Variants in SH3TC1 observed in about 807,000 individuals in gnomAD.
The protein encoded by SH3TC1 is SH3 domain and tetratricopeptide repeats 1.
Under a neutral mutation model 117.3 loss-of-function variants are expected in SH3TC1, and 135 were observed. That is an observed-to-expected ratio of 1.15 (90% confidence interval 1.00 to 1.33). SH3TC1 has a LOEUF of 1.33. SH3TC1 is among the 40% of genes most tolerant of loss of function. The pLI, the probability that SH3TC1 is intolerant of heterozygous loss-of-function variation, is 0.00. For missense variants in SH3TC1, 2,092 were observed against 1,794.3 expected, an observed-to-expected ratio of 1.17 and a Z score of -3.00; for synonymous variants, 898 against 816.9, an observed-to-expected ratio of 1.10 and a Z score of -1.69.
upstream of SH3TC1, among the ~76,000 whole-genome samples, chr4:8,197,730 G>A (rs112036693): frequency 1.3e-5 from 2 of 152,154 alleles, no homozygotes; most frequent in Admixed American, 6.5e-5. Flanking sequence ...GCAGCGAGGG[G>A]CATGCCTAGG....
Position 8,216,166 on chromosome 4 carries a change from C to G in SH3TC1, c.537C>G (p.Leu179=). Residue 179 remains leucine, a synonymous_variant, in exon 6 of 18, where the codon CTC becomes CTG. Coordinates refer to ENST00000245105, the MANE Select transcript of SH3TC1 (RefSeq NM_018986.5). ...NLLMDQAFWL[L]LPSEEEETAI... ...TCATGGACCAGGCCTTCTGGCTGCTCTTGCCCAGTGAGGAGGAGGAGACGG... is the reference window on the plus strand; with the variant it reads ...TCATGGACCAGGCCTTCTGGCTGCTGTTGCCCAGTGAGGAGGAGGAGACGG... The G allele has an allele frequency of 4.3e-6, 7 of 1,613,888 alleles. No individual in the cohort carries two copies. The highest frequency in any genetic ancestry group is 5.9e-6 in the Non-Finnish European group (7 of 1,180,028).
At chr4:8,221,639 G>A (rs906572040) in intron 9 of SH3TC1, among the ~76,000 whole-genome samples, 4 of 152,084 alleles carry the variant, frequency 2.6e-5, no homozygotes, top group African/African-American at 7.2e-5. Context: ...CAAACATGAT[G>A]TTCCTTTACC....
At chr4:8,198,187 C>A (rs1001809288), upstream of SH3TC1, among the ~76,000 whole-genome samples, 3 of 152,202 alleles carry the variant, frequency 2.0e-5, no homozygotes, top group Non-Finnish European at 4.4e-5. Context: ...CCTTCAGAAC[C>A]AGTCAGACCT....
chr4:8,235,720 C>G (rs971387282), intron 15 of SH3TC1, 165 bp downstream of exon 15: 25 of 982,190 alleles, frequency 2.5e-5, no homozygotes, highest in Non-Finnish European at 3.5e-5. Flanking sequence ...CTGTGCCCCC[C>G]GCCCGGGACA....
In SH3TC1 at chr4:8,233,472, T is replaced by G; in HGVS notation, c.3241T>G (p.Tyr1081Asp). 6 of 1,613,750 alleles carry G rather than the reference T, an allele frequency of 3.7e-6. No homozygotes were observed. Among genetic ancestry groups the G allele is most frequent in the Non-Finnish European group, 5.1e-6 (6 of 1,179,864 alleles). The change falls in exon 14 of 18, where the codon TAC becomes GAC. Residue 1081 changes from tyrosine to aspartate, a missense_variant. By Grantham distance (160) the Tyr-to-Asp change is radical. Coordinates refer to ENST00000245105, the MANE Select transcript of SH3TC1 (RefSeq NM_018986.5). The stretch of plus-strand genomic sequence containing the variant: ...CTGGCTGCAAGCAGGGAAGATCTAT[T>G]ACATCTTGCGGCAGAGCGAGCTGGT... ...HAWLQAGKIY[Y>D]ILRQSELVDL...
chr4:8,202,291 C>T (rs950350869), intron 1 of SH3TC1, among the ~76,000 whole-genome samples: 14 of 152,230 alleles, frequency 9.2e-5, no homozygotes, highest in African/African-American at 3.4e-4. Context: ...GCTCTCCAGG[C>T]GTGACCAGGG....
intron 1 of SH3TC1, among the ~76,000 whole-genome samples, chr4:8,187,006 G>T (rs1242536359): frequency 6.6e-6 from 1 of 151,382 alleles, no homozygotes; most frequent in Non-Finnish European, 1.5e-5. Context: ...GCCCATTCTG[G>T]GACTCCTGCC....
rs1720374786 is a variant in SH3TC1, at chr4:8,225,437, T to C, written c.1285+221T>C. On this transcript the variant is annotated intron_variant, in intron 11 of 17. Coordinates refer to ENST00000245105, the MANE Select transcript of SH3TC1 (RefSeq NM_018986.5). This position sits in a 1 kb window ranked among gnomAD's most constrained non-coding sequence, Gnocchi z 5.5. ...GGTCCCGCACTTCTTCCAATGAACA[T>C]GCTGGCCCCCGCCTGGTCCCCGCCC... Among the ~76,000 whole-genome samples the C allele has an allele frequency of 6.6e-6, 1 of 152,128 alleles. No homozygotes were observed. The highest frequency in any genetic ancestry group is 1.5e-5 in the Non-Finnish European group (1 of 68,024).
At chr4:8,204,162 G>C (rs781071597) in intron 1 of SH3TC1, among the ~76,000 whole-genome samples, 2 of 152,322 alleles carry the variant, frequency 1.3e-5, no homozygotes, top group East Asian at 3.9e-4. Context: ...TGCCTGCAGA[G>C]GGGATGTTTG....
chr4:8,191,378 G>A lies in SH3TC1; in HGVS notation c.-57+9168G>A, dbSNP rs9991960. 7.4e-3 allele frequency among the ~76,000 whole-genome samples: 1,132 copies of A among 152,330 alleles called. 15 individuals carry two copies. The highest frequency in any genetic ancestry group is 0.026 in the African/African-American group (1,073 of 41,576). ...CCACTTCCTGCAGGCCTCCGACCCG[G>A]CGGCCCAGCCACCCATCCGGCTGGG... On this transcript the variant is annotated intron_variant, in intron 1 of 16. Transcript: ENST00000508641.
Position 8,183,214 on chromosome 4 carries a change from C to G in SH3TC1, c.-57+1004C>G, listed in dbSNP as rs1243132944. 6.6e-6 allele frequency among the ~76,000 whole-genome samples: 1 copy of G among 152,202 alleles called. No homozygotes were observed. The highest frequency in any genetic ancestry group is 1.5e-5 in the Non-Finnish European group (1 of 68,034). Reference sequence around the variant, plus strand: ...GCAGCAGCCCCAGGCGAGTTCTGTTCACTACGAAGGAGCCCGTCCTCATCC... The same window carrying G: ...GCAGCAGCCCCAGGCGAGTTCTGTTGACTACGAAGGAGCCCGTCCTCATCC... On this transcript the variant is annotated intron_variant, in intron 1 of 16. Coordinates refer to the SH3TC1 transcript ENST00000508641. The surrounding 1 kb of genome is among the most constrained non-coding windows in gnomAD (Gnocchi z 5.4).
At chr4:8,200,210 G>A (rs968564367) in intron 1 of SH3TC1, among the ~76,000 whole-genome samples, 1 of 152,226 alleles carries the variant, frequency 6.6e-6, no homozygotes, top group African/African-American at 2.4e-5. Flanking sequence ...ATGTGGGCCG[G>A]CCACTCAGGG....
Position 8,225,727 on chromosome 4 carries a change from C to T in SH3TC1, c.1285+511C>T, listed in dbSNP as rs189260632. ...CTGTCTCTTCCCCTCACACAGGGTC[C>T]GCATGGGGAGAGCCTGGGGATGTGG... is the stretch of plus-strand genomic sequence containing the variant. On this transcript the variant is annotated intron_variant, in intron 11 of 17. Coordinates refer to ENST00000245105, the MANE Select transcript of SH3TC1 (RefSeq NM_018986.5). This position sits in a 1 kb window ranked among gnomAD's most constrained non-coding sequence, Gnocchi z 5.5. Among the ~76,000 whole-genome samples, 203 of 152,290 alleles carry T rather than the reference C, an allele frequency of 1.3e-3. No individual in the cohort carries two copies. Among genetic ancestry groups the T allele is most frequent in the Non-Finnish European group, 2.1e-3 (141 of 68,010 alleles).
At chr4:8,223,013 T>A in intron 10 of SH3TC1, 43 bp downstream of exon 10, 1 of 1,587,396 alleles carries the variant, frequency 6.3e-7, no homozygotes, top group Non-Finnish European at 8.6e-7. Flanking sequence ...TGCCCTCCCC[T>A]TTCCCTTCTG....
chr4:8,209,763 C>T lies in SH3TC1; in HGVS notation c.188C>T (p.Ala63Val), dbSNP rs759216029. Residue 63 changes from alanine (A) to valine (V), a missense_variant, in exon 3 of 18, where the codon GCC (alanine) becomes GTC (valine). By Grantham distance (64) the Ala-to-Val change is moderately conservative (BLOSUM62 0). Coordinates refer to ENST00000245105, the MANE Select transcript of SH3TC1 (RefSeq NM_018986.5). This position sits in a 1 kb window ranked among gnomAD's most constrained non-coding sequence, Gnocchi z 5.9. ...TGTGTTGCAGACGAGGCTCCTCCTG[C>T]CCGCGTGGCTGGGCCTGCTGCTGGG... ...APVRGDEAPP[A>V]RVAGPAAGTP... The T allele has an allele frequency of 6.2e-6, 10 of 1,613,620 alleles. No homozygotes were observed. The highest frequency in any genetic ancestry group is 1.3e-5 in the African/African-American group (1 of 74,914).
At position 8,200,260 on chromosome 4, in the gene SH3TC1, C is replaced by G. The variant is rs140116077; in HGVS notation, c.-29+855C>G. Among the ~76,000 whole-genome samples the G allele has an allele frequency of 1.5e-3, 223 of 152,338 alleles. 1 individual carries two copies. The highest frequency in any genetic ancestry group is 5.1e-3 in the African/African-American group (210 of 41,580). On this transcript the variant is annotated intron_variant, in intron 1 of 17. Coordinates refer to ENST00000245105, the MANE Select transcript of SH3TC1 (RefSeq NM_018986.5). The stretch of plus-strand genomic sequence containing the variant: ...GCCAGGCAGCGGGGCTGCGGCTGAG[C>G]TTGTGGCTGGAGGCAAGGCTGGGCC...
At position 8,235,341 on chromosome 4, in the gene SH3TC1, A is replaced by C. The variant is rs547613742; in HGVS notation, c.3283-92A>C. On this transcript the variant is annotated intron_variant, in intron 14 of 17. Transcript: ENST00000245105. Reference sequence around the variant, plus strand: ...GGCTCAGTTGCACCTGCAGTGTGTGAGAGGAAGGAGGCTGGGCGGGGGAGT... The same window carrying C: ...GGCTCAGTTGCACCTGCAGTGTGTGCGAGGAAGGAGGCTGGGCGGGGGAGT... The C allele has an allele frequency of 4.6e-5, 63 of 1,379,634 alleles. No individual in the cohort carries two copies. In the South Asian group the frequency reaches 1.2e-3, roughly 27 times the overall value. 85.5% of individuals were successfully genotyped at this position (1,379,634 alleles called of 1,614,324 possible).
At position 8,219,313 on chromosome 4, in the gene SH3TC1, A is replaced by G. The variant is rs201543520; in HGVS notation, c.917-22A>G. 26 of 1,559,962 alleles carry G rather than the reference A, an allele frequency of 1.7e-5. No individual in the cohort carries two copies. In the Admixed American group the frequency reaches 2.8e-4, roughly 17 times the overall value. On this transcript the variant is annotated intron_variant, in intron 8 of 17. Coordinates refer to ENST00000245105, the MANE Select transcript of SH3TC1 (RefSeq NM_018986.5). ...CCCCCATTTGGTCTCCCTGGCACTCACCATGTGGCTTTCTTCCGCAGCTGT... is the reference window on the plus strand; with the variant it reads ...CCCCCATTTGGTCTCCCTGGCACTCGCCATGTGGCTTTCTTCCGCAGCTGT...
rs1402264276 is a variant in SH3TC1, at chr4:8,194,214, A to G, written c.-57+12004A>G. On this transcript the variant is annotated intron_variant, in intron 1 of 16. Transcript: ENST00000508641. ...GTTGGTGGTGGCGCTAAAAAGCCACAGCTGAAGGGTGTGGCTGGGGGCTTC... is the reference window on the plus strand; with the variant it reads ...GTTGGTGGTGGCGCTAAAAAGCCACGGCTGAAGGGTGTGGCTGGGGGCTTC... Among the ~76,000 whole-genome samples the G allele has an allele frequency of 2.0e-5, 3 of 152,220 alleles. No homozygotes were observed. In the East Asian group the frequency reaches 5.8e-4, roughly 29 times the overall value.
Sources: allele counts gnomAD v4.1 joint callset (sites outside exome capture counted in the v4.1 genomes callset), GRCh38; gene constraint gnomAD v4.1.1; non-coding constraint Gnocchi (gnomAD v3.1); transcripts MANE v1.5; gene names NCBI Gene and HGNC (gene_info 2026-07-23, HGNC 2026-07-21).